CDK18: variants seen among roughly 807,000 people sequenced by gnomAD.
CDK18 encodes the protein cyclin-dependent kinase 18.
In CDK18, 52 loss-of-function variants were observed where a neutral mutation model predicts 62.0. The ratio of observed to expected loss-of-function variants is 0.84; its 90% CI spans 0.67 to 1.06. CDK18 has a LOEUF of 1.06. CDK18 is among the 50% of genes least tolerant of loss of function. The pLI is 0.00. For synonymous variants in CDK18, 237 were observed against 247.0 expected, an observed-to-expected ratio of 0.96 and a Z score of 0.38; for missense variants, 604 against 619.9, an observed-to-expected ratio of 0.97 and a Z score of 0.27.
rs1668514927 is a variant in CDK18, at chr1:205,527,807, A to C, written c.743A>C (p.Gln248Pro). Residue 248 changes from glutamine to proline, a missense_variant, in exon 9 of 16, where the codon CAG (glutamine) becomes CCG (proline). Coordinates refer to ENST00000429964, the MANE Select transcript of CDK18 (RefSeq NM_212502.3). This position sits in a 1 kb window ranked among gnomAD's most constrained non-coding sequence, Gnocchi z 4.1. ...CCCCTCCCCCAGATTTTCATGTTCCAGCTGCTCCGGGGCCTCGCCTACTGT... is the reference window on the plus strand; with the variant it reads ...CCCCTCCCCCAGATTTTCATGTTCCCGCTGCTCCGGGGCCTCGCCTACTGT... ...SMHNVKIFMF[Q>P]LLRGLAYCHH... 1.2e-6 allele frequency: 2 copies of C among 1,613,888 alleles called. No homozygotes were observed. The highest frequency in any genetic ancestry group is 1.7e-6 in the Non-Finnish European group (2 of 1,179,868).
chr1:205,531,347 G>C lies in CDK18; in HGVS notation c.1394G>C (p.Arg465Pro). 6.2e-7 allele frequency: 1 copy of C among 1,614,144 alleles called. No individual in the cohort carries two copies. Among genetic ancestry groups the C allele is most frequent in the Non-Finnish European group, 8.5e-7 (1 of 1,179,982 alleles). Residue 465 changes from arginine to proline, a missense_variant, in exon 16 of 16, where the codon CGA (arginine) becomes CCA (proline). Transcript: ENST00000429964. ...YRGLAFQQPGRGKNRRQSIF is the reference protein window; with the variant it reads ...YRGLAFQQPGPGKNRRQSIF ...CCACCTCTTCTCCATTCTCCAGGACGAGGGAAGAACAGGCGGCAGAGCATC... is the reference window on the plus strand; with the variant it reads ...CCACCTCTTCTCCATTCTCCAGGACCAGGGAAGAACAGGCGGCAGAGCATC...
intron 1 of CDK18, among the ~76,000 whole-genome samples, chr1:205,515,423 C>A (rs1558770639): frequency 6.6e-6 from 1 of 152,094 alleles, no homozygotes. Flanking sequence ...GTGGTCCACC[C>A]ACCTTGACCT....
At chr1:205,505,940 T>C (rs1392139175) in intron 1 of CDK18, among the ~76,000 whole-genome samples, 1 of 152,146 alleles carries the variant, frequency 6.6e-6, no homozygotes, top group Non-Finnish European at 1.5e-5. Flanking sequence ...AGCTGTAGCC[T>C]GGGCCCTGTG....
intron 1 of CDK18, among the ~76,000 whole-genome samples, chr1:205,510,912 CTG>C (rs2102273694): frequency 6.6e-6 from 1 of 152,372 alleles, no homozygotes; most frequent in East Asian, 1.9e-4. Context: ...TTCCTCCAAA[CTG>C]TAGAGCCAGG....
Position 205,529,421 on chromosome 1 carries a change from C to G in CDK18, c.1170C>G (p.His390Gln), listed in dbSNP as rs777828587. The G allele has an allele frequency of 6.2e-7, 1 of 1,613,686 alleles. No homozygotes were observed. The highest frequency in any genetic ancestry group is 8.5e-7 in the Non-Finnish European group (1 of 1,179,856). The change falls in exon 12 of 16, where the codon CAC becomes CAG. Residue 390 changes from histidine to glutamine, a missense_variant. His to Gln is a conservative substitution (Grantham distance 24). Transcript: ENST00000429964. ...PCYLPQPLIN[H>Q]APRLDTDGIH... ...ACCTCCCGCAGCCGCTCATCAACCA[C>G]GCGCCCAGGTAGCCCCTGCGCCCGC...
Position 205,525,171 on chromosome 1 carries a change from C to A in CDK18, c.432C>A (p.Tyr144Ter). 1 of 1,609,942 alleles carries A rather than the reference C, an allele frequency of 6.2e-7. No individual in the cohort carries two copies. The highest frequency in any genetic ancestry group is 8.5e-7 in the Non-Finnish European group (1 of 1,176,970). The change falls in exon 5 of 16, where the codon TAC becomes TAA. Residue 144 changes from tyrosine (Y) to a stop codon, truncating the protein, a stop_gained. Transcript: ENST00000429964. LOFTEE classifies it high-confidence loss of function. Reference protein sequence around the residue: ...SDIGFGKLETYVKLDKLGEGT... With the variant: ...SDIGFGKLET ...TTGGCTTTGGGAAACTGGAAACATA[C>A]GTGAAACTGGACAAACTGGGAGAGG... is the stretch of plus-strand genomic sequence containing the variant.
chr1:205,507,167 G>A (rs115567273), intron 1 of CDK18, among the ~76,000 whole-genome samples: 2 of 152,104 alleles, frequency 1.3e-5, no homozygotes, highest in African/African-American at 2.4e-5. Flanking sequence ...GATTCCTTCT[G>A]TTCTTCTCTA....
At chr1:205,507,780 A>G (rs538425537) in intron 1 of CDK18, among the ~76,000 whole-genome samples, 64 of 152,288 alleles carry the variant, frequency 4.2e-4, no homozygotes, top group Non-Finnish European at 2.1e-4. Flanking sequence ...TCTAGAGACC[A>G]AGGTAGATTT....
At position 205,517,503 on chromosome 1, in the gene CDK18, T is replaced by C. The variant is rs781436255; in HGVS notation, c.-21-5644T>C. On this transcript the variant is annotated intron_variant, in intron 1 of 15. Coordinates refer to ENST00000429964, the MANE Select transcript of CDK18 (RefSeq NM_212502.3). This position sits in a 1 kb window ranked among gnomAD's most constrained non-coding sequence, Gnocchi z 4.1. ...GGCTCACCCAGCATGTTTGCTCAGA[T>C]ACCACTGTACGTTGAAAATGTCACC... Among the ~76,000 whole-genome samples, 8 of 152,130 alleles carry C rather than the reference T, an allele frequency of 5.3e-5. No homozygotes were observed. The highest frequency in any genetic ancestry group is 1.0e-4 in the Non-Finnish European group (7 of 68,024).
intron 13 of CDK18, chr1:205,529,842 A>T: frequency 7.4e-7 from 1 of 1,349,500 alleles, no homozygotes; most frequent in Non-Finnish European, 9.9e-7. Flanking sequence ...AGTGGGATTA[A>T]TACCTATTTT....
Position 205,531,645 on chromosome 1 carries a change from G to A in CDK18, c.*267G>A, listed in dbSNP as rs1042827. Reference sequence around the variant, plus strand: ...CTTCCCTGAGAGGACATGAGGGGGGGGCGGTCCTCGTACCCTCTCCCACCC... The same window carrying A: ...CTTCCCTGAGAGGACATGAGGGGGGAGCGGTCCTCGTACCCTCTCCCACCC... On this transcript the variant is annotated 3_prime_UTR_variant, in exon 16 of 16. Coordinates refer to ENST00000429964, the MANE Select transcript of CDK18 (RefSeq NM_212502.3). 1 of 481,926 alleles carries A rather than the reference G, an allele frequency of 2.1e-6. No individual in the cohort carries two copies. Among genetic ancestry groups the A allele is most frequent in the Non-Finnish European group, 3.8e-6 (1 of 261,982 alleles). 29.9% of individuals were successfully genotyped at this position (481,926 alleles called of 1,614,324 possible).
At position 205,531,408 on chromosome 1, in the gene CDK18, CAA is replaced by C; in HGVS notation, c.*31_*32del. The C allele has an allele frequency of 3.1e-6, 5 of 1,605,172 alleles. No homozygotes were observed. Among genetic ancestry groups the C allele is most frequent in the Non-Finnish European group, 4.3e-6 (5 of 1,171,728 alleles). ...CGCCCACCTTGCTGTGGCCAAGGGA[CAA>C]GAGATCACATGGAGCACAAATTCGG... On this transcript the variant is annotated 3_prime_UTR_variant, in exon 16 of 16. Coordinates refer to ENST00000429964, the MANE Select transcript of CDK18 (RefSeq NM_212502.3).
chr1:205,527,404 G>A lies in CDK18; in HGVS notation c.730-390G>A, dbSNP rs190990102. The A allele has an allele frequency of 1.1e-4, 24 of 213,178 alleles. No homozygotes were observed. The highest frequency in any genetic ancestry group is 1.3e-4 in the Non-Finnish European group (14 of 105,998). The allele number at this position is 213,178 out of a possible 1,614,324, so 13.2% of individuals were successfully genotyped here. On this transcript the variant is annotated intron_variant, in intron 8 of 15. Coordinates refer to ENST00000429964, the MANE Select transcript of CDK18 (RefSeq NM_212502.3). The surrounding 1 kb of genome is among the most constrained non-coding windows in gnomAD (Gnocchi z 4.1). ...TGAGGCAGGAGGGCCACTTGAGCCC[G>A]GGAGGTTGAGGCTGCAGTGAGCCAT... is the stretch of plus-strand genomic sequence containing the variant.
In CDK18 at chr1:205,523,467, C is replaced by T. The variant is rs191558863; in HGVS notation, c.131-16C>T. 30 of 1,596,396 alleles carry T rather than the reference C, an allele frequency of 1.9e-5. No homozygotes were observed. Among genetic ancestry groups the T allele is most frequent in the East Asian group, 1.1e-4 (5 of 43,982 alleles). On this transcript the variant is annotated splice_polypyrimidine_tract_variant and intron_variant, in intron 2 of 15. Coordinates refer to ENST00000429964, the MANE Select transcript of CDK18 (RefSeq NM_212502.3). ...ACAGAGAGGCAGGGAGGGGAGCTGA[C>T]GCCTGTCCCTCTTAGACTTGCAGCT... is the stretch of plus-strand genomic sequence containing the variant.
chr1:205,527,642 G>A lies in CDK18; in HGVS notation c.730-152G>A, dbSNP rs1170683601. 1.4e-5 allele frequency: 10 copies of A among 723,594 alleles called. No individual in the cohort carries two copies. Among genetic ancestry groups the A allele is most frequent in the Non-Finnish European group, 2.1e-5 (9 of 420,350 alleles). 44.8% of individuals were successfully genotyped at this position (723,594 alleles called of 1,614,324 possible). On this transcript the variant is annotated intron_variant, in intron 8 of 15. Transcript: ENST00000429964. This position sits in a 1 kb window ranked among gnomAD's most constrained non-coding sequence, Gnocchi z 4.1. ...CTCTGGATGGGATTCCCTGGTGTGG[G>A]TGGGGTCCAGGATGGGGGCTGCAGG...
rs1000137140 is a variant in CDK18, at chr1:205,531,460, C to T, written c.*82C>T. ...GGTAGGATGGAGCCTGTGTGGCCCT[C>T]GGAGGACTGAAGAACGAGGGCTGAC... On this transcript the variant is annotated 3_prime_UTR_variant, in exon 16 of 16. Coordinates refer to ENST00000429964, the MANE Select transcript of CDK18 (RefSeq NM_212502.3). The T allele has an allele frequency of 4.1e-5, 55 of 1,326,938 alleles. 1 individual carries two copies. In the South Asian group the frequency reaches 4.5e-4, roughly 11 times the overall value. The allele number at this position is 1,326,938 out of a possible 1,614,324, so 82.2% of individuals were successfully genotyped here. A position where few individuals can be genotyped will look rare whatever the true frequency, so the allele number is the denominator to read the frequency against.
At position 205,530,244 on chromosome 1, in the gene CDK18, C is replaced by T. The variant is rs752294659; in HGVS notation, c.1222-15C>T. On this transcript the variant is annotated splice_polypyrimidine_tract_variant and intron_variant, in intron 13 of 15. Transcript: ENST00000429964. ...CCCCCAGCCGGGCCCAATAGCCCCA[C>T]CCTGTGCCTTTCAGTATGAATCCAA... 5.0e-6 allele frequency: 8 copies of T among 1,611,004 alleles called. No individual in the cohort carries two copies. In the East Asian group the frequency reaches 1.3e-4, roughly 27 times the overall value.
At chr1:205,511,019 G>C (rs1342180240) in intron 1 of CDK18, among the ~76,000 whole-genome samples, 1 of 152,234 alleles carries the variant, frequency 6.6e-6, no homozygotes, top group African/African-American at 2.4e-5. Flanking sequence ...ATTAGGAGGA[G>C]AACAACTACC....
Position 205,530,296 on chromosome 1 carries a change from T to G in CDK18, c.1259T>G (p.Leu420Arg). Residue 420 changes from leucine (L) to arginine (R), a missense_variant, in exon 14 of 16, where the codon CTG (leucine) becomes CGG (arginine). Leu to Arg is a moderately radical substitution (Grantham distance 102). Coordinates refer to ENST00000429964, the MANE Select transcript of CDK18 (RefSeq NM_212502.3). ...AGTCGCATGTCAGCAGAGGCTGCCC[T>G]GAGTCACTCCTACTTCCGGTCTCTG... is the stretch of plus-strand genomic sequence containing the variant. ...SKSRMSAEAALSHSYFRSLGE... is the reference protein window; with the variant it reads ...SKSRMSAEAARSHSYFRSLGE... The G allele has an allele frequency of 1.2e-6, 2 of 1,613,358 alleles. No individual in the cohort carries two copies. The highest frequency in any genetic ancestry group is 1.7e-6 in the Non-Finnish European group (2 of 1,180,042).
Sources: gnomAD v4.1 joint callset for allele counts (sites outside exome capture counted in the v4.1 genomes callset) on GRCh38, gnomAD v4.1.1 for gene constraint, Gnocchi (gnomAD v3.1) non-coding constraint, MANE v1.5 for transcripts, NCBI Gene and HGNC (gene_info 2026-07-23, HGNC 2026-07-21) for gene names.